CEP152: variants seen among roughly 807,000 people sequenced by gnomAD.
The protein encoded by CEP152 is centrosomal protein of 152 kDa.
A neutral mutation model predicts 188.9 loss-of-function variants in CEP152; 132 were observed. The observed-to-expected ratio is 0.70, with a 90% CI of 0.61 to 0.81. CEP152 has a LOEUF of 0.81. Ranked by LOEUF, CEP152 falls within the 30% of genes least tolerant of loss-of-function variation. The probability of loss-of-function intolerance (pLI) is 0.00; values close to 1 mark genes in which losing one functional copy is unlikely to be tolerated. For synonymous variants in CEP152, 649 were observed against 666.6 expected (o/e 0.97, Z 0.41); for missense variants, 1,914 against 1,969.8 (o/e 0.97, Z 0.54).
At chr15:48,797,753 G>A (rs746494585) in intron 3 of CEP152, 23 bp from the exon 4 acceptor site, 42 of 1,610,586 alleles carry the variant, frequency 2.6e-5, no homozygotes, top group South Asian at 1.4e-4. Flanking sequence ...GAATACTTTC[G>A]ATTTAAAGCG....
intron 1 of CEP152, among the ~76,000 whole-genome samples, chr15:48,805,932 C>T (rs751376363): frequency 6.6e-6 from 1 of 151,902 alleles, no homozygotes; most frequent in African/African-American, 2.4e-5. Context: ...AGATTTTTGC[C>T]GACATGAAAA....
chr15:48,763,621 C>G (rs1199899997), intron 17 of CEP152, among the ~76,000 whole-genome samples: 1 of 152,018 alleles, frequency 6.6e-6, no homozygotes, highest in Non-Finnish European at 1.5e-5. Flanking sequence ...TTGCAGTGAG[C>G]CGAGATCACA....
At chr15:48,795,657 G>A (rs937589857) in intron 6 of CEP152, among the ~76,000 whole-genome samples, 5 of 152,018 alleles carry the variant, frequency 3.3e-5, no homozygotes, top group Admixed American at 6.6e-5. Flanking sequence ...TTTTCATTAC[G>A]AAAAATTTCA....
chr15:48,771,185 G>A (rs1895507304), intron 13 of CEP152, among the ~76,000 whole-genome samples: 2 of 152,170 alleles, frequency 1.3e-5, no homozygotes, highest in Non-Finnish European at 2.9e-5. Context: ...AGATCTCTGT[G>A]ATAGCATGAT....
At chr15:48,753,993 A>G (rs1394757902) in intron 20 of CEP152, among the ~76,000 whole-genome samples, 1 of 152,192 alleles carries the variant, frequency 6.6e-6, no homozygotes, top group African/African-American at 2.4e-5. Context: ...AATAAATTAT[A>G]AATTATAGTT....
chr15:48,761,730 T>A (rs1371564678), intron 18 of CEP152, among the ~76,000 whole-genome samples: 2 of 151,930 alleles, frequency 1.3e-5, no homozygotes, highest in Non-Finnish European at 2.9e-5. Context: ...TGTAAAGGAG[T>A]CCTGGGACCA....
intron 6 of CEP152, among the ~76,000 whole-genome samples, chr15:48,795,355 A>G (rs1281315374): frequency 6.6e-6 from 1 of 152,186 alleles, no homozygotes; most frequent in Non-Finnish European, 1.5e-5. Context: ...ATCAGAGTTG[A>G]CTAAAAACTG....
Position 48,760,249 on chromosome 15 carries a change from T to G in CEP152, c.2580A>C (p.Gln860His). Residue 860 changes from glutamine to histidine, a missense_variant, in exon 19 of 27, where the codon CAA becomes CAC. Coordinates refer to ENST00000380950, the MANE Select transcript of CEP152 (RefSeq NM_001194998.2). The stretch of plus-strand genomic sequence containing the variant: ...CTCCCAGCCATCGCTGATGAGCATT[T>G]TGCACAGCTATTTCTACCTGTAGGA... ...NITKQVEIAV[Q>H]NAHQRWLGEL... 1 of 1,614,068 alleles carries G rather than the reference T, an allele frequency of 6.2e-7. No homozygotes were observed. Among genetic ancestry groups the G allele is most frequent in the Non-Finnish European group, 8.5e-7 (1 of 1,179,942 alleles).
chr15:48,800,541 A>T (rs1955032169), intron 2 of CEP152, among the ~76,000 whole-genome samples: 1 of 152,224 alleles, frequency 6.6e-6, no homozygotes, highest in Admixed American at 6.5e-5. Context: ...TACCAAATAC[A>T]GAAATTTAGA....
At chr15:48,754,805 C>T (rs1894140742) in intron 20 of CEP152, among the ~76,000 whole-genome samples, 1 of 152,134 alleles carries the variant, frequency 6.6e-6, no homozygotes, top group Admixed American at 6.5e-5. Context: ...TTTATTTTTC[C>T]AGTGAGCAAC....
Position 48,772,563 on chromosome 15 carries a change from T to C in CEP152, c.1706A>G (p.Asn569Ser). The change falls in exon 13 of 27, where the codon AAT becomes AGT. Residue 569 changes from asparagine to serine, a missense_variant. By Grantham distance (46) the Asn-to-Ser change is conservative. Transcript: ENST00000380950. ...MKRHLVSQLQ[N>S]DLKDCHKKIE... ...TTTCTTATGACAGTCTTTGAGGTCATTTTGTAACTGAGACACCAGATGACG... is the reference window on the plus strand; with the variant it reads ...TTTCTTATGACAGTCTTTGAGGTCACTTTGTAACTGAGACACCAGATGACG... 6.2e-7 allele frequency: 1 copy of C among 1,614,110 alleles called. No individual in the cohort carries two copies.
At chr15:48,772,364 TTCCACCACTGCCC>T in intron 13 of CEP152, 110 bp downstream of exon 13, 1 of 805,912 alleles carries the variant, frequency 1.2e-6, no homozygotes, top group South Asian at 1.5e-5. Flanking sequence ...GGAGCCATGT[TTCCACCACTGCCC>T]TCCAGCCTGG....
Position 48,742,249 on chromosome 15 carries a change from G to C in CEP152, c.3836-149C>G, listed in dbSNP as rs896935832. 5 of 766,236 alleles carry C rather than the reference G, an allele frequency of 6.5e-6. No homozygotes were observed. The African/African-American group carries it at 8.7e-5, about 13-fold the overall frequency. 47.5% of individuals were successfully genotyped at this position (766,236 alleles called of 1,614,324 possible). A position where few individuals can be genotyped will look rare whatever the true frequency, so the allele number is the denominator to read the frequency against. On this transcript the variant is annotated intron_variant, in intron 24 of 26. Coordinates refer to ENST00000380950, the MANE Select transcript of CEP152 (RefSeq NM_001194998.2). ...TATACTTTCCACAGTCATTAAAATG[G>C]AATATTTTAGATCATCATTTTGGTA...
chr15:48,806,232 C>A (rs757354735), intron 1 of CEP152, among the ~76,000 whole-genome samples: 4 of 151,044 alleles, frequency 2.6e-5, no homozygotes, highest in Non-Finnish European at 4.5e-5. Flanking sequence ...CAGGTTCTGG[C>A]AATATACTCG....
intron 1 of CEP152, chr15:48,810,589 G>T (rs938386361): frequency 6.6e-6 from 1 of 152,252 alleles, no homozygotes; most frequent in Non-Finnish European, 1.5e-5. Context: ...CAGGATGCCC[G>T]GGGCTACTGG....
chr15:48,752,775 G>A (rs1039282408), intron 20 of CEP152, among the ~76,000 whole-genome samples: 6 of 152,292 alleles, frequency 3.9e-5, no homozygotes, highest in African/African-American at 9.6e-5. Flanking sequence ...AATGGTTTAC[G>A]TGATTAAACC....
chr15:48,792,161 T>G (rs1350742894), intron 7 of CEP152, among the ~76,000 whole-genome samples: 1 of 152,122 alleles, frequency 6.6e-6, no homozygotes, highest in African/African-American at 2.4e-5. Context: ...CAGCTAATTT[T>G]TTGTATTTTT....
At chr15:48,747,352 T>C (rs1893520963) in intron 22 of CEP152, among the ~76,000 whole-genome samples, 1 of 152,224 alleles carries the variant, frequency 6.6e-6, no homozygotes, top group Non-Finnish European at 1.5e-5. Context: ...TTATCTGGTA[T>C]GTGGTGGGCA....
rs74813747 is a variant in CEP152, at chr15:48,793,629, C to T, written c.692-168G>A. On this transcript the variant is annotated intron_variant, in intron 6 of 26. Transcript: ENST00000380950. ...AAGAGAGAGAGAATATATCAGAGTG[C>T]ATCATGTAGTAAGAAACAGTCTTAT... Among the ~76,000 whole-genome samples the T allele has an allele frequency of 7.8e-3, 1,187 of 152,264 alleles. 18 individuals carry two copies. The highest frequency in any genetic ancestry group is 0.027 in the African/African-American group (1,138 of 41,534).
Sources: gnomAD v4.1 joint callset for allele counts (sites outside exome capture counted in the v4.1 genomes callset) on GRCh38, gnomAD v4.1.1 for gene constraint, MANE v1.5 for transcripts, NCBI Gene and HGNC (gene_info 2026-07-23, HGNC 2026-07-21) for gene names.